Variants in DNAAF11 observed in about 807,000 individuals in gnomAD.
DNAAF11 encodes dynein axonemal assembly factor 11.
A neutral mutation model predicts 60.8 loss-of-function variants in DNAAF11; 45 were observed. That is an observed-to-expected ratio of 0.74 (90% confidence interval 0.58 to 0.95). DNAAF11 has a LOEUF of 0.95. Ranked by LOEUF, DNAAF11 falls within the 40% of genes least tolerant of loss-of-function variation. DNAAF11 has a pLI of 0.00. For missense variants in DNAAF11, 546 were observed against 546.2 expected, an observed-to-expected ratio of 1.00 and a Z score of 0.00; for synonymous variants, 191 against 183.5, an observed-to-expected ratio of 1.04 and a Z score of -0.33.
chr8:132,572,363 T>A lies in DNAAF11; in HGVS notation c.1344A>T (p.Ile448=). ...TPRRRPEPKI[I]PSEEDPTFED... The stretch of plus-strand genomic sequence containing the variant: ...CAAAGGTTGGGTCTTCCTCACTTGG[T>A]ATAATTTTGGGTTCAGGTCGTCTTC... Residue 448 remains isoleucine (I), a synonymous_variant, in exon 12 of 12, where the codon ATA becomes ATT. Coordinates refer to ENST00000620350, the MANE Select transcript of DNAAF11 (RefSeq NM_012472.6). 1 of 1,614,070 alleles carries A rather than the reference T, an allele frequency of 6.2e-7. No homozygotes were observed. Among genetic ancestry groups the A allele is most frequent in the Non-Finnish European group, 8.5e-7 (1 of 1,179,950 alleles).
chr8:132,684,945 G>A, the DNAAF11 span: 12 of 152,304 alleles, frequency 7.9e-5, no homozygotes, highest in African/African-American at 2.9e-4. Flanking sequence ...CTCTTACCAT[G>A]TGGTGTCTCA....
chr8:132,640,106 C>G (rs987428254), intron 3 of DNAAF11, among the ~76,000 whole-genome samples: 2 of 152,168 alleles, frequency 1.3e-5, no homozygotes, highest in African/African-American at 2.4e-5. Flanking sequence ...AATAGACCTT[C>G]TTCAACCCAC....
At chr8:132,642,890 C>T (rs1379305108) in intron 3 of DNAAF11, among the ~76,000 whole-genome samples, 2 of 152,204 alleles carry the variant, frequency 1.3e-5, no homozygotes, top group East Asian at 3.9e-4. Flanking sequence ...GTTAGAGCAG[C>T]GGTCTCCAAC....
At chr8:132,621,603 TA>T (rs1382891336) in intron 7 of DNAAF11, among the ~76,000 whole-genome samples, 2 of 152,096 alleles carry the variant, frequency 1.3e-5, no homozygotes, top group African/African-American at 4.8e-5. Context: ...AGAGACCGCC[TA>T]AAGTCGATTT....
Position 132,640,330 on chromosome 8 carries a change from T to C in DNAAF11, c.257-2223A>G, listed in dbSNP as rs1001527392. Among the ~76,000 whole-genome samples, 6 of 152,292 alleles carry C rather than the reference T, an allele frequency of 3.9e-5. No homozygotes were observed. In the East Asian group the frequency reaches 1.2e-3, roughly 29 times the overall value. On this transcript the variant is annotated intron_variant, in intron 3 of 11. Coordinates refer to ENST00000620350, the MANE Select transcript of DNAAF11 (RefSeq NM_012472.6). ...GGCCCAGTATTTTCTGTCATCATCT[T>C]CTTGATGACAACAGTCATGGTTATT...
chr8:132,662,896 C>G (rs1824271973), intron 1 of DNAAF11, among the ~76,000 whole-genome samples: 1 of 152,172 alleles, frequency 6.6e-6, no homozygotes, highest in South Asian at 2.1e-4. Flanking sequence ...TGGAATTTGC[C>G]TTTTTATTAA....
chr8:132,702,166 C>T, the DNAAF11 span: 1 of 152,172 alleles, frequency 6.6e-6, no homozygotes, highest in Non-Finnish European at 1.5e-5. Flanking sequence ...TTGGTCTTCT[C>T]TATGACAATA....
At position 132,597,383 on chromosome 8, in the gene DNAAF11, C is replaced by A. The variant is rs151191284; in HGVS notation, c.1140+12783G>T. Among the ~76,000 whole-genome samples the A allele has an allele frequency of 8.2e-4, 125 of 152,194 alleles. 2 individuals carry two copies. In the East Asian group the frequency reaches 0.022, roughly 27 times the overall value. ...TCGCAACGGGAGGCCTGTGAGTTTC[C>A]AGTGCCCGCAAAGCTGATTCCATTC... is the stretch of plus-strand genomic sequence containing the variant. On this transcript the variant is annotated intron_variant, in intron 10 of 11. Coordinates refer to ENST00000620350, the MANE Select transcript of DNAAF11 (RefSeq NM_012472.6).
At position 132,572,427 on chromosome 8, in the gene DNAAF11, T is replaced by C. The variant is rs1814298747; in HGVS notation, c.1280A>G (p.Asp427Gly). 1 of 1,613,204 alleles carries C rather than the reference T, an allele frequency of 6.2e-7. No homozygotes were observed. Among genetic ancestry groups the C allele is most frequent in the Admixed American group, 1.7e-5 (1 of 59,924 alleles). The part of the protein sequence containing the change: ...EVDPSKHSFP[D>G]VTNIVQEKKH... ...TTTCTCTTGAACTATGTTAGTCACA[T>C]CAGGGAATGAGTGCTTGCTAGGGTC... The change falls in exon 12 of 12, where the codon GAT (aspartate) becomes GGT (glycine). Residue 427 changes from aspartate (D) to glycine (G), a missense_variant. Asp to Gly is a moderately conservative substitution (Grantham distance 94). Coordinates refer to ENST00000620350, the MANE Select transcript of DNAAF11 (RefSeq NM_012472.6).
chr8:132,597,009 A>G (rs1817080444), intron 10 of DNAAF11, among the ~76,000 whole-genome samples: 1 of 152,126 alleles, frequency 6.6e-6, no homozygotes. Context: ...ATCCACCCCA[A>G]CTGGCCAATG....
chr8:132,656,288 C>T (rs1378111172), intron 3 of DNAAF11, among the ~76,000 whole-genome samples: 1 of 152,096 alleles, frequency 6.6e-6, no homozygotes, highest in Non-Finnish European at 1.5e-5. Context: ...CTTGTATATA[C>T]CCAAGTGTTA....
At chr8:132,697,623 GA>G in the DNAAF11 span, among the ~76,000 whole-genome samples, 83,755 of 146,900 alleles carry the variant, frequency 0.57, 24,325 homozygotes, top group African/African-American at 0.7. Context: ...ATCTCAAAAA[GA>G]AAAAAAAAAA....
At chr8:132,676,131 C>A (rs997218754), upstream of DNAAF11, among the ~76,000 whole-genome samples, 9 of 152,166 alleles carry the variant, frequency 5.9e-5, no homozygotes, top group Admixed American at 1.3e-4. Flanking sequence ...CACTCGTTTC[C>A]GGCTAACAAG....
upstream of DNAAF11, among the ~76,000 whole-genome samples, chr8:132,679,843 A>C (rs6992054): frequency 0.19 from 28,329 of 152,170 alleles, 7,625 homozygotes; most frequent in African/African-American, 0.6. Context: ...TGAGGCCTCC[A>C]CAGCCACGTG....
chr8:132,648,897 G>C (rs1291666017), intron 3 of DNAAF11, among the ~76,000 whole-genome samples: 3 of 152,186 alleles, frequency 2.0e-5, no homozygotes, highest in Non-Finnish European at 4.4e-5. Flanking sequence ...CATGCTCATG[G>C]ATAGGAAGAG....
chr8:132,644,840 C>T lies in DNAAF11; in HGVS notation c.257-6733G>A, dbSNP rs573443882. ...AGGTAAACAAAGCAGCCGGGAAGCT[C>T]GAACTGGGTGGAGCCCACCACAGCT... is the stretch of plus-strand genomic sequence containing the variant. On this transcript the variant is annotated intron_variant, in intron 3 of 11. Transcript: ENST00000620350. Among the ~76,000 whole-genome samples, 54 of 152,298 alleles carry T rather than the reference C, an allele frequency of 3.5e-4. No individual in the cohort carries two copies. The South Asian group carries it at 8.9e-3, about 25-fold the overall frequency.
intron 10 of DNAAF11, among the ~76,000 whole-genome samples, chr8:132,587,390 C>T (rs1022710297): frequency 1.5e-4 from 23 of 152,016 alleles, no homozygotes; most frequent in Non-Finnish European, 1.5e-4. Flanking sequence ...CATCTTAATG[C>T]CAACATTCAT....
At chr8:132,670,946 G>C (rs2130883261) in intron 1 of DNAAF11, among the ~76,000 whole-genome samples, 1 of 152,106 alleles carries the variant, frequency 6.6e-6, no homozygotes, top group East Asian at 1.9e-4. Context: ...GAAATAAAAA[G>C]GAACTCAACT....
In DNAAF11 at chr8:132,572,490, C is replaced by CAAA. The variant is rs759171476; in HGVS notation, c.1227-13_1227-11dup. 1 of 1,556,338 alleles carries CAAA rather than the reference C, an allele frequency of 6.4e-7. No individual in the cohort carries two copies. The highest frequency in any genetic ancestry group is 2.0e-5 in the Admixed American group (1 of 49,752). The stretch of plus-strand genomic sequence containing the variant: ...CTCCATGTGCTTGCTTCTATAACAA[C>CAAA]AAAAAAAGACAAACAGAAACTGATA... On this transcript the variant is annotated splice_polypyrimidine_tract_variant and intron_variant, in intron 11 of 11. Coordinates refer to ENST00000620350, the MANE Select transcript of DNAAF11 (RefSeq NM_012472.6).
Sources: allele counts gnomAD v4.1 joint callset (sites outside exome capture counted in the v4.1 genomes callset), GRCh38; gene constraint gnomAD v4.1.1; transcripts MANE v1.5; gene names NCBI Gene and HGNC (gene_info 2026-07-23, HGNC 2026-07-21).